The following GRB2 variants were observed in gnomAD, a reference collection of about 807,000 sequenced individuals.
The protein encoded by GRB2 is growth factor receptor bound protein 2.
In GRB2, 2 loss-of-function variants were observed where a neutral mutation model predicts 27.4. The ratio of observed to expected loss-of-function variants is 0.07; its 90% confidence interval spans 0.03 to 0.23. The LOEUF (loss-of-function observed/expected upper bound fraction) is 0.23, where lower values mean the gene tolerates loss of function less well. Ranked by LOEUF, GRB2 falls within the 10% of genes least tolerant of loss-of-function variation. The probability of loss-of-function intolerance (pLI) is 1.00; values close to 1 mark genes in which losing one functional copy is unlikely to be tolerated. For synonymous variants in GRB2, 94 were observed against 99.6 expected (o/e 0.94, Z 0.33); for missense variants, 102 against 282.4 (o/e 0.36, Z 4.58).
At chr17:75,338,609 G>C (rs1355998858) in intron 2 of GRB2, among the ~76,000 whole-genome samples, 1 of 152,192 alleles carries the variant, frequency 6.6e-6, no homozygotes, top group Non-Finnish European at 1.5e-5. Context: ...TGGTTTAACG[G>C]AAGCAGATTG....
chr17:75,400,482 T>G (rs767042273), intron 1 of GRB2, among the ~76,000 whole-genome samples: 4 of 151,174 alleles, frequency 2.6e-5, no homozygotes, highest in Non-Finnish European at 5.9e-5. Context: ...TCATGCTCCT[T>G]TTTTCTTTCT....
intron 1 of GRB2, among the ~76,000 whole-genome samples, chr17:75,404,550 G>T (rs937423047): frequency 6.6e-6 from 1 of 151,508 alleles, no homozygotes; most frequent in African/African-American, 2.4e-5. Flanking sequence ...AAAAGGGGGG[G>T]GTGGGGGGAG....
intron 4 of GRB2, among the ~76,000 whole-genome samples, chr17:75,324,366 ATTTTTTT>A (rs1156329058): frequency 8.5e-5 from 8 of 93,606 alleles, no homozygotes; most frequent in African/African-American, 2.6e-4. Context: ...CCATTTTTGT[ATTTTTTT>A]TTTTTTTTTT....
chr17:75,400,987 G>A (rs1479796646), intron 1 of GRB2, among the ~76,000 whole-genome samples: 1 of 150,554 alleles, frequency 6.6e-6, no homozygotes, highest in Admixed American at 6.6e-5. Flanking sequence ...TTTTGAGACG[G>A]AGTCTTGCTC....
At chr17:75,371,311 AG>A (rs1345269502) in intron 2 of GRB2, 4 of 152,034 alleles carry the variant, frequency 2.6e-5, no homozygotes, top group Non-Finnish European at 5.9e-5. Flanking sequence ...AAAAAATTCA[AG>A]GGTTTCTATT....
intron 1 of GRB2, among the ~76,000 whole-genome samples, chr17:75,397,211 C>T (rs1431134229): frequency 6.6e-6 from 1 of 152,028 alleles, no homozygotes; most frequent in Non-Finnish European, 1.5e-5. Context: ...AGCATATTCG[C>T]TAAAGGAATT....
At chr17:75,401,001 C>T (rs2079060052) in intron 1 of GRB2, among the ~76,000 whole-genome samples, 1 of 148,218 alleles carries the variant, frequency 6.7e-6, no homozygotes, top group Non-Finnish European at 1.5e-5. Context: ...CTTGCTCTGT[C>T]GCCCAGGCTA....
Position 75,374,274 on chromosome 17 carries a change from G to C in GRB2, c.78+19277C>G, listed in dbSNP as rs56032698. ...CAAAAATTAGCCAGACGTAGTGGCG[G>C]GCGCCTATAATTCCAGCTAGTCAGG... On this transcript the variant is annotated intron_variant, in intron 2 of 5. Coordinates refer to ENST00000316804, the MANE Select transcript of GRB2 (RefSeq NM_002086.5). 2.0e-4 allele frequency among the ~76,000 whole-genome samples: 30 copies of C among 151,128 alleles called. No homozygotes were observed. In the South Asian group the frequency reaches 5.6e-3, roughly 28 times the overall value.
At chr17:75,353,569 T>C (rs1481693011) in intron 2 of GRB2, among the ~76,000 whole-genome samples, 1 of 151,638 alleles carries the variant, frequency 6.6e-6, no homozygotes, top group East Asian at 1.9e-4. Context: ...AAGACCAGCC[T>C]GACAACACGG....
At chr17:75,358,897 A>AT (rs3082677) in intron 2 of GRB2, among the ~76,000 whole-genome samples, 41 of 83,926 alleles carry the variant, frequency 4.9e-4, no homozygotes, top group Non-Finnish European at 9.0e-4. Flanking sequence ...AAAAAAAAAA[A>AT]ATTATATATA....
chr17:75,398,799 G>A (rs1240398739), intron 1 of GRB2, among the ~76,000 whole-genome samples: 1 of 152,136 alleles, frequency 6.6e-6, no homozygotes, highest in Non-Finnish European at 1.5e-5. Context: ...TCAGGCTGGA[G>A]TGCAGTGGCG....
rs528610427 is a variant in GRB2, at chr17:75,393,297, C to G, written c.78+254G>C. The stretch of plus-strand genomic sequence containing the variant: ...CTACAATCACATTACTTTGACTTTA[C>G]TTGAAATATTACCAGTATCAACAGA... On this transcript the variant is annotated intron_variant, in intron 2 of 5. Coordinates refer to ENST00000316804, the MANE Select transcript of GRB2 (RefSeq NM_002086.5). 111 of 536,302 alleles carry G rather than the reference C, an allele frequency of 2.1e-4. 1 individual carries two copies. Among genetic ancestry groups the G allele is most frequent in the African/African-American group, 1.9e-3 (99 of 52,606 alleles). The allele number at this position is 536,302 out of a possible 1,614,324, so 33.2% of individuals were successfully genotyped here.
chr17:75,349,167 A>G (rs540276563), intron 2 of GRB2, among the ~76,000 whole-genome samples: 3 of 152,236 alleles, frequency 2.0e-5, no homozygotes, highest in Non-Finnish European at 4.4e-5. Flanking sequence ...TTGAGTTTAA[A>G]TAAAAGAAGC....
intron 2 of GRB2, among the ~76,000 whole-genome samples, chr17:75,384,766 T>C (rs1052907764): frequency 6.6e-6 from 1 of 151,706 alleles, no homozygotes; most frequent in African/African-American, 2.4e-5. Flanking sequence ...TGAAATTCAG[T>C]TACTTGGAGA....
At chr17:75,375,177 G>A (rs1266570205) in intron 2 of GRB2, among the ~76,000 whole-genome samples, 1 of 152,012 alleles carries the variant, frequency 6.6e-6, no homozygotes, top group African/African-American at 2.4e-5. Flanking sequence ...CAAAGTGCTG[G>A]GAATACAGAT....
At chr17:75,382,848 A>AT (rs1262567933) in intron 2 of GRB2, among the ~76,000 whole-genome samples, 1 of 152,086 alleles carries the variant, frequency 6.6e-6, no homozygotes, top group Non-Finnish European at 1.5e-5. Flanking sequence ...AGCTGGGACT[A>AT]CAGGCGCCTG....
At chr17:75,324,937 G>A (rs575015389) in intron 4 of GRB2, among the ~76,000 whole-genome samples, 30 of 152,162 alleles carry the variant, frequency 2.0e-4, no homozygotes, top group Admixed American at 5.9e-4. Context: ...TAAGCCGGGC[G>A]TGGTGTCAGG....
intron 1 of GRB2, among the ~76,000 whole-genome samples, chr17:75,398,165 A>T (rs1171297781): frequency 1.3e-5 from 2 of 152,146 alleles, no homozygotes; most frequent in African/African-American, 2.4e-5. Context: ...AAACATATGA[A>T]AAGAAATGCA....
intron 2 of GRB2, among the ~76,000 whole-genome samples, chr17:75,374,403 CAAAA>C (rs56404809): frequency 4.5e-5 from 4 of 88,798 alleles, no homozygotes; most frequent in Non-Finnish European, 6.3e-5. Context: ...GACTCCATAT[CAAAA>C]AAAAAAAAAA....
Sources: gnomAD v4.1 joint callset for allele counts (sites outside exome capture counted in the v4.1 genomes callset) on GRCh38, gnomAD v4.1.1 for gene constraint, MANE v1.5 for transcripts, NCBI Gene and HGNC (gene_info 2026-07-23, HGNC 2026-07-21) for gene names.